The following CSMD2 variants were observed in gnomAD, a reference collection of about 807,000 sequenced individuals.
The protein encoded by CSMD2 is CUB and sushi domain-containing protein 2.
CSMD2 carries 130 observed loss-of-function variants against 398.5 expected under a neutral mutation model. The ratio of observed to expected loss-of-function variants is 0.33; its 90% CI spans 0.28 to 0.38. CSMD2 has a LOEUF of 0.38. Ranked by LOEUF, CSMD2 falls within the 10% of genes least tolerant of loss-of-function variation. The pLI is 1.00. For missense variants in CSMD2, 3,829 were observed against 4,764.9 expected (o/e 0.80, Z 5.78); for synonymous variants, 1,828 against 1,908.5 (o/e 0.96, Z 1.10).
At chr1:33,637,362 A>G (rs1464627828) in intron 29 of CSMD2, among the ~76,000 whole-genome samples, 1 of 152,210 alleles carries the variant, frequency 6.6e-6, no homozygotes, top group Admixed American at 6.5e-5. Flanking sequence ...TGACCCTTAC[A>G]TGTCTTCCCT....
intron 6 of CSMD2, among the ~76,000 whole-genome samples, chr1:33,843,280 C>T (rs920743272): frequency 6.6e-6 from 1 of 152,248 alleles, no homozygotes; most frequent in African/African-American, 2.4e-5. Flanking sequence ...CCGACTAGAA[C>T]TCAGGCCTTC....
In CSMD2 at chr1:33,940,403, T is replaced by C. The variant is rs148571200; in HGVS notation, c.518-4449A>G. On this transcript the variant is annotated intron_variant, in intron 3 of 70. Coordinates refer to ENST00000373381, the MANE Select transcript of CSMD2 (RefSeq NM_001281956.2). ...CACAATTCAACTCATCACAGGGCTG[T>C]TGCGCAGATTAAAATTCAACTTATA... 2.4e-3 allele frequency among the ~76,000 whole-genome samples: 368 copies of C among 152,224 alleles called. 5 individuals are homozygous for C. Among genetic ancestry groups the C allele is most frequent in the East Asian group, 0.021 (111 of 5,172 alleles).
intron 3 of CSMD2, among the ~76,000 whole-genome samples, chr1:33,964,602 TTTTTTG>T (rs911609994): frequency 2.6e-5 from 4 of 152,186 alleles, no homozygotes; most frequent in Non-Finnish European, 4.4e-5. Context: ...AGACTTCTGC[TTTTTTG>T]TTTTTATTTC....
Position 34,053,426 on chromosome 1 carries a change from G to T in CSMD2, c.405-20720C>A, listed in dbSNP as rs555414318. ...GCTCTTCTTTAGTCCACCTTCTTGG[G>T]TCCCTCCTAGCAAAGTGGACACAAG... On this transcript the variant is annotated intron_variant, in intron 2 of 70. Transcript: ENST00000373381. Among the ~76,000 whole-genome samples, 5 of 152,186 alleles carry T rather than the reference G, an allele frequency of 3.3e-5. No homozygotes were observed. In the South Asian group the frequency reaches 8.3e-4, roughly 25 times the overall value.
At chr1:33,536,902 C>A in intron 62 of CSMD2, 120 bp downstream of exon 62, 1 of 951,800 alleles carries the variant, frequency 1.1e-6, no homozygotes, top group Non-Finnish European at 1.6e-6. Flanking sequence ...TCTTTCTGCG[C>A]TTTCCAAGCT....
At chr1:33,996,182 C>A (rs1345086124) in intron 3 of CSMD2, among the ~76,000 whole-genome samples, 1 of 152,030 alleles carries the variant, frequency 6.6e-6, no homozygotes. Flanking sequence ...AGATGCGCAA[C>A]CTCACTGGTA....
intron 4 of CSMD2, among the ~76,000 whole-genome samples, chr1:33,929,210 A>G (rs368752812): frequency 1.3e-4 from 19 of 151,972 alleles, no homozygotes; most frequent in Middle Eastern, 3.4e-3. Flanking sequence ...CACAGCCCCA[A>G]TCTACGCCTG....
chr1:34,156,796 T>G (rs1318457722), intron 1 of CSMD2, among the ~76,000 whole-genome samples: 1 of 152,194 alleles, frequency 6.6e-6, no homozygotes, highest in Non-Finnish European at 1.5e-5. Flanking sequence ...TAAAAGTTCC[T>G]TATAATAATG....
rs541872073 is a variant in CSMD2, at chr1:33,713,448, A to T, written c.3406+1139T>A. Among the ~76,000 whole-genome samples the T allele has an allele frequency of 2.0e-5, 3 of 152,296 alleles. No individual in the cohort carries two copies. The South Asian group carries it at 6.2e-4, about 32-fold the overall frequency. ...TCCATGGCTAACAGTGAGCATGGAA[A>T]ATACTCCATGAATGCAGCTAGTGTT... is the stretch of plus-strand genomic sequence containing the variant. On this transcript the variant is annotated intron_variant, in intron 21 of 70. Coordinates refer to ENST00000373381, the MANE Select transcript of CSMD2 (RefSeq NM_001281956.2).
intron 6 of CSMD2, 140 bp from the exon 7 acceptor site, chr1:33,825,914 C>A: frequency 1.5e-6 from 1 of 662,658 alleles, no homozygotes; most frequent in Non-Finnish European, 2.6e-6. Flanking sequence ...TGGGACATTC[C>A]AAGGGTAGTG....
At chr1:33,938,978 C>T (rs1485227178) in intron 3 of CSMD2, among the ~76,000 whole-genome samples, 1 of 149,886 alleles carries the variant, frequency 6.7e-6, no homozygotes, top group African/African-American at 2.5e-5. Flanking sequence ...TGGTACTTCC[C>T]ATCTTTTGCT....
At chr1:34,076,899 T>A in intron 2 of CSMD2, among the ~76,000 whole-genome samples, 1 of 45,194 alleles carries the variant, frequency 2.2e-5, no homozygotes. Flanking sequence ...ATGGCTCTGT[T>A]ACAGCAAAGC....
chr1:33,581,075 C>A (rs1638665056), intron 47 of CSMD2, among the ~76,000 whole-genome samples, 176 bp from the exon 48 acceptor site: 1 of 152,048 alleles, frequency 6.6e-6, no homozygotes, highest in South Asian at 2.1e-4. Flanking sequence ...TTCTCCTAAG[C>A]CCAGCTCTAA....
At chr1:33,919,110 G>A (rs1643865346) in intron 4 of CSMD2, among the ~76,000 whole-genome samples, 1 of 152,246 alleles carries the variant, frequency 6.6e-6, no homozygotes, top group African/African-American at 2.4e-5. Context: ...CAGTCCAGGT[G>A]AGGCTGGATG....
intron 6 of CSMD2, among the ~76,000 whole-genome samples, chr1:33,845,858 G>T (rs1661302160): frequency 6.6e-6 from 1 of 152,370 alleles, no homozygotes; most frequent in Admixed American, 6.5e-5. Flanking sequence ...GCCTTGTGGA[G>T]GGGGCACTAC....
chr1:33,823,985 TG>T (rs1410623212), intron 7 of CSMD2, among the ~76,000 whole-genome samples: 1 of 152,138 alleles, frequency 6.6e-6, no homozygotes, highest in Non-Finnish European at 1.5e-5. Flanking sequence ...ATGGGCCTCC[TG>T]AAGTCCTAGG....
intron 22 of CSMD2, among the ~76,000 whole-genome samples, chr1:33,706,957 C>A (rs1457733243): frequency 6.6e-6 from 1 of 152,104 alleles, no homozygotes; most frequent in Non-Finnish European, 1.5e-5. Flanking sequence ...CCTCCCTGAA[C>A]TCTGACCTAG....
intron 13 of CSMD2, among the ~76,000 whole-genome samples, chr1:33,750,577 T>C (rs957717030): frequency 1.3e-5 from 2 of 152,126 alleles, no homozygotes; most frequent in Admixed American, 6.5e-5. Flanking sequence ...ACAACCCAGA[T>C]ATTAAATACT....
intron 1 of CSMD2, among the ~76,000 whole-genome samples, chr1:34,149,531 C>G (rs1447043050): frequency 6.6e-6 from 1 of 152,212 alleles, no homozygotes; most frequent in Non-Finnish European, 1.5e-5. Context: ...GAGGATAAGA[C>G]TCCCCTGAGT....
Sources: allele counts gnomAD v4.1 joint callset (sites outside exome capture counted in the v4.1 genomes callset), GRCh38; gene constraint gnomAD v4.1.1; transcripts MANE v1.5; gene names NCBI Gene and HGNC (gene_info 2026-07-23, HGNC 2026-07-21).